Variants in IFT74 observed in about 807,000 individuals in gnomAD.
IFT74 encodes the protein intraflagellar transport protein 74 homolog.
A neutral mutation model predicts 96.7 loss-of-function variants in IFT74; 92 were observed. The observed-to-expected ratio is 0.95, with a 90% confidence interval of 0.80 to 1.13. IFT74 has a LOEUF of 1.13. Among genes scored for constraint, IFT74 ranks in the 50% most tolerant of loss-of-function variants. IFT74 has a pLI of 0.00. For missense variants in IFT74, 811 were observed against 698.2 expected, an observed-to-expected ratio of 1.16 and a Z score of -1.82; for synonymous variants, 223 against 213.2, an observed-to-expected ratio of 1.05 and a Z score of -0.40.
chr9:26,982,821 A>G (rs1013215202), intron 4 of IFT74, among the ~76,000 whole-genome samples: 1 of 151,900 alleles, frequency 6.6e-6, no homozygotes, highest in African/African-American at 2.4e-5. Context: ...TGAACTCCTG[A>G]CCTCAGGTAA....
intron 8 of IFT74, among the ~76,000 whole-genome samples, chr9:27,006,988 C>T (rs929087305): frequency 5.9e-5 from 9 of 151,806 alleles, no homozygotes; most frequent in South Asian, 4.2e-4. Flanking sequence ...AGGCGCCCAC[C>T]ATCACGCCCA....
intron 12 of IFT74, among the ~76,000 whole-genome samples, chr9:27,025,318 C>T (rs2131635401): frequency 6.6e-6 from 1 of 151,850 alleles, no homozygotes; most frequent in Non-Finnish European, 1.5e-5. Context: ...TGGCACGCAC[C>T]TGTAGTCCCA....
chr9:26,967,349 G>A (rs1427537752), intron 2 of IFT74, among the ~76,000 whole-genome samples: 1 of 151,702 alleles, frequency 6.6e-6, no homozygotes, highest in African/African-American at 2.4e-5. Context: ...TATTTTATTT[G>A]TAGCTATTGT....
At chr9:27,009,671 CAA>C (rs879447246) in intron 9 of IFT74, among the ~76,000 whole-genome samples, 3 of 137,632 alleles carry the variant, frequency 2.2e-5, no homozygotes, top group Admixed American at 7.4e-5. Context: ...GACTCTGTCT[CAA>C]AAAAAAAAAG....
upstream of IFT74, chr9:26,955,948 C>T (rs979089090): frequency 3.3e-5 from 5 of 152,050 alleles, no homozygotes; most frequent in Middle Eastern, 3.2e-3. Flanking sequence ...CTGGTGAAAG[C>T]AGGAACGGAA....
chr9:26,995,355 C>G (rs1381871837), intron 8 of IFT74: 8 of 544,992 alleles, frequency 1.5e-5, no homozygotes, highest in African/African-American at 3.8e-5. Flanking sequence ...GTATTTGAAC[C>G]TGCTTGCTCA....
At chr9:26,968,293 G>T (rs1171076059) in intron 2 of IFT74, among the ~76,000 whole-genome samples, 2 of 149,308 alleles carry the variant, frequency 1.3e-5, no homozygotes, top group East Asian at 2.0e-4. Context: ...ATGTAATCTC[G>T]CTCTGTTGCC....
intron 8 of IFT74, among the ~76,000 whole-genome samples, chr9:27,004,447 G>T (rs1245827367): frequency 6.6e-6 from 1 of 152,198 alleles, no homozygotes; most frequent in Admixed American, 6.5e-5. Flanking sequence ...TCACATATTT[G>T]TGTGCCTTTT....
intron 8 of IFT74, among the ~76,000 whole-genome samples, chr9:26,996,893 A>G (rs1169714788): frequency 1.3e-5 from 2 of 152,152 alleles, no homozygotes; most frequent in Admixed American, 6.6e-5. Context: ...ATGAAATGAC[A>G]TTATCATCTC....
At chr9:27,053,386 G>T (rs1820019289) in intron 16 of IFT74, among the ~76,000 whole-genome samples, 1 of 152,032 alleles carries the variant, frequency 6.6e-6, no homozygotes, top group South Asian at 2.1e-4. Flanking sequence ...GAGAAACACT[G>T]GTGTACTGCA....
At chr9:26,978,373 T>G in intron 3 of IFT74, 110 bp downstream of exon 3, 1 of 1,048,704 alleles carries the variant, frequency 9.5e-7, no homozygotes, top group South Asian at 1.6e-5. Flanking sequence ...CAATAAGTAT[T>G]ACAGTACCAT....
intron 3 of IFT74, among the ~76,000 whole-genome samples, chr9:26,979,440 A>T (rs951119506): frequency 5.9e-5 from 9 of 152,082 alleles, no homozygotes; most frequent in African/African-American, 2.2e-4. Flanking sequence ...TCAAAACAGA[A>T]CCAATATAAT....
chr9:27,030,972 A>G (rs1360182335), intron 13 of IFT74, among the ~76,000 whole-genome samples: 3 of 152,168 alleles, frequency 2.0e-5, no homozygotes, highest in Non-Finnish European at 2.9e-5. Flanking sequence ...TACTTCTAAC[A>G]TATAGCCAAG....
chr9:27,057,930 A>C, intron 18 of IFT74, among the ~76,000 whole-genome samples: 1 of 152,084 alleles, frequency 6.6e-6, no homozygotes, highest in East Asian at 1.9e-4. Context: ...AAATGATGTC[A>C]TTTGATTTTC....
chr9:27,010,153 G>A (rs1349301537), intron 9 of IFT74, among the ~76,000 whole-genome samples: 1 of 150,568 alleles, frequency 6.6e-6, no homozygotes, highest in Admixed American at 6.6e-5. Flanking sequence ...ACGCCCGGCT[G>A]ATTTTTTGTA....
chr9:27,013,596 T>G (rs7040505), intron 10 of IFT74, among the ~76,000 whole-genome samples: 49,036 of 152,210 alleles, frequency 0.32, 9,312 homozygotes, highest in East Asian at 0.71. Flanking sequence ...GTTTTAGCTA[T>G]TTTGATAGGT....
intron 10 of IFT74, among the ~76,000 whole-genome samples, chr9:27,012,735 T>TTTTTTTTTTA (rs1432648656): frequency 8.5e-6 from 1 of 118,168 alleles, no homozygotes; most frequent in African/African-American, 3.4e-5. Context: ...TTTTTTTTTT[T>TTTTTTTTTTA]AGACAGAGTA....
At chr9:26,993,593 A>G (rs1827986092) in intron 8 of IFT74, 1 of 152,524 alleles carries the variant, frequency 6.6e-6, no homozygotes, top group South Asian at 2.1e-4. Flanking sequence ...ATAGATTATG[A>G]CATAGATCTA....
chr9:27,026,959 AG>A (rs59731109), intron 12 of IFT74, among the ~76,000 whole-genome samples: 152,288 of 152,288 alleles, frequency 1, 76,144 homozygotes, highest in Non-Finnish European at 1. Context: ...CCAAAAGAAA[AG>A]GAAATTACAA....
Sources: allele counts gnomAD v4.1 joint callset (sites outside exome capture counted in the v4.1 genomes callset), GRCh38; gene constraint gnomAD v4.1.1; transcripts MANE v1.5; gene names NCBI Gene and HGNC (gene_info 2026-07-23, HGNC 2026-07-21).